EHMT2: variants seen among roughly 807,000 people sequenced by gnomAD.
The protein encoded by EHMT2 is histone-lysine N-methyltransferase EHMT2.
EHMT2 carries 59 observed loss-of-function variants against 143.3 expected under a neutral mutation model. That is an observed-to-expected ratio of 0.41 (90% CI 0.33 to 0.51). EHMT2 has a LOEUF of 0.51. EHMT2 is among the 20% of genes least tolerant of loss of function. The probability of loss-of-function intolerance (pLI) is 0.18; values close to 1 mark genes in which losing one functional copy is unlikely to be tolerated. For synonymous variants in EHMT2, 604 were observed against 651.5 expected (o/e 0.93, Z 1.11); for missense variants, 1,174 against 1,645.9 (o/e 0.71, Z 4.96).
In EHMT2 at chr6:31,888,596, C is replaced by T. The variant is rs2151627363; in HGVS notation, c.1365+3G>A. On this transcript the variant is annotated splice_donor_region_variant and intron_variant, in intron 11 of 27. Coordinates refer to ENST00000375537, the Ensembl canonical transcript of EHMT2. This position sits in a 1 kb window ranked among gnomAD's most constrained non-coding sequence, Gnocchi z 7.4. ...CACCTCTCCCACCAGCCCACGGCCC[C>T]ACCTCTCCGTCCACACTCTCAGTGG... 1 of 1,612,298 alleles carries T rather than the reference C, an allele frequency of 6.2e-7. No individual in the cohort carries two copies. Among genetic ancestry groups the T allele is most frequent in the African/African-American group, 1.3e-5 (1 of 75,026 alleles).
At chr6:31,892,894 T>A in exon 5 of EHMT2, 1 of 1,580,240 alleles carries the variant, frequency 6.3e-7, no homozygotes, top group Non-Finnish European at 8.6e-7. Context: ...AGGGGGCCGC[T>A]TCTCAGGGAC....
Position 31,892,537 on chromosome 6 carries a change from C to T in EHMT2, c.734G>A (p.Arg245His), listed in dbSNP as rs780168963. 17 of 1,612,902 alleles carry T rather than the reference C, an allele frequency of 1.1e-5. 1 individual carries two copies. Among genetic ancestry groups the T allele is most frequent in the Middle Eastern group, 1.6e-4 (1 of 6,084 alleles). ...TTTCGTCAGGGTCACTTCTCCTGAA[C>T]GCCGGGCAGAACCTAACTCCTCTGA... The change falls in exon 7 of 28, where the codon CGT becomes CAT. Residue 245 changes from arginine to histidine, a missense_variant. Transcript: ENST00000375537.
At chr6:31,896,120 C>T (rs1766381745) in intron 4 of EHMT2, 143 bp downstream of exon 4, 1 of 1,216,698 alleles carries the variant, frequency 8.2e-7, no homozygotes, top group South Asian at 1.6e-5. Flanking sequence ...GTTCACAGAT[C>T]AAGCACAGCC....
At chr6:31,893,364 A>T (rs2844457) in intron 4 of EHMT2, 155,011 of 445,234 alleles carry the variant, frequency 0.35, 31,153 homozygotes, top group East Asian at 0.56. Context: ...TCTGTTACCC[A>T]GGATGGAGTG....
Position 31,889,379 on chromosome 6 carries a change from C to A in EHMT2, c.1000-37G>T. On this transcript the variant is annotated intron_variant, in intron 8 of 27. Coordinates refer to ENST00000375537, the Ensembl canonical transcript of EHMT2. This position sits in a 1 kb window ranked among gnomAD's most constrained non-coding sequence, Gnocchi z 5.1. The stretch of plus-strand genomic sequence containing the variant: ...GAGGAGGAGGAGTTAGGAACCCTCA[C>A]CCCCAGGGGCCCCCCCAACACCTTC... The A allele has an allele frequency of 6.2e-7, 1 of 1,608,808 alleles. No homozygotes were observed. The highest frequency in any genetic ancestry group is 8.5e-7 in the Non-Finnish European group (1 of 1,178,342).
Position 31,889,701 on chromosome 6 carries a change from C to T in EHMT2, c.865-99G>A, listed in dbSNP as rs969268324. ...CACCATTGCCCCCCGCCACTACCCACGGATGGCTGCTGGGGATAAGTGTGG... is the reference window on the plus strand; with the variant it reads ...CACCATTGCCCCCCGCCACTACCCATGGATGGCTGCTGGGGATAAGTGTGG... On this transcript the variant is annotated intron_variant, in intron 7 of 27. Coordinates refer to ENST00000375537, the Ensembl canonical transcript of EHMT2. This position sits in a 1 kb window ranked among gnomAD's most constrained non-coding sequence, Gnocchi z 5.1. The T allele has an allele frequency of 9.5e-6, 14 of 1,466,240 alleles. No homozygotes were observed. Among genetic ancestry groups the T allele is most frequent in the South Asian group, 1.1e-5 (1 of 87,102 alleles). 90.8% of individuals were successfully genotyped at this position (1,466,240 alleles called of 1,614,324 possible).
At chr6:31,897,201 A>C (rs1766648653) in intron 1 of EHMT2, 1 of 1,239,234 alleles carries the variant, frequency 8.1e-7, no homozygotes, top group African/African-American at 1.8e-5. Context: ...TAGACCCCGC[A>C]TCTCTGGGGC....
At position 31,880,437 on chromosome 6, in the gene EHMT2, G is replaced by C; in HGVS notation, c.3453-173C>G. ...GACTTTCAGCATCAGCATTGCCTGG[G>C]GACTTTTTAGAAATGCAGAATCCTG... On this transcript the variant is annotated intron_variant, in intron 27 of 27. Transcript: ENST00000375537. This position sits in a 1 kb window ranked among gnomAD's most constrained non-coding sequence, Gnocchi z 6.6. 1.1e-6 allele frequency: 1 copy of C among 876,284 alleles called. No homozygotes were observed. The highest frequency in any genetic ancestry group is 1.7e-6 in the Non-Finnish European group (1 of 588,170). The allele number at this position is 876,284 out of a possible 1,614,324, so 54.3% of individuals were successfully genotyped here. A position where few individuals can be genotyped will look rare whatever the true frequency, so the allele number is the denominator to read the frequency against.
chr6:31,890,664 G>C (rs2151637949), intron 7 of EHMT2, among the ~76,000 whole-genome samples: 1 of 150,020 alleles, frequency 6.7e-6, no homozygotes, highest in African/African-American at 2.4e-5. Context: ...AGGAGTTTGA[G>C]ACCAGCCTGG....
chr6:31,888,137 C>T lies in EHMT2; in HGVS notation c.1649G>A (p.Arg550Gln), dbSNP rs146176576. The change falls in exon 13 of 28, where the codon CGG becomes CAG. Residue 550 changes from arginine to glutamine, a missense_variant. Physicochemically the swap from Arg to Gln is conservative, Grantham distance 43. Around this residue, in one of 6 missense-constraint regions of EHMT2, gnomAD observed 608 missense variants for 903.7 expected, o/e 0.67. Transcript: ENST00000375537. This position sits in a 1 kb window ranked among gnomAD's most constrained non-coding sequence, Gnocchi z 7.4. The stretch of plus-strand genomic sequence containing the variant: ...GGCCGGTGGGGTCACCCCGTCACCC[C>T]GGGGGATGGTCACCTCTTGAGCTTC... The T allele has an allele frequency of 5.5e-5, 89 of 1,612,338 alleles. No homozygotes were observed. The highest frequency in any genetic ancestry group is 2.0e-4 in the Admixed American group (12 of 59,992).
chr6:31,896,759 G>A, exon 3 of EHMT2: 1 of 1,613,060 alleles, frequency 6.2e-7, no homozygotes, highest in Non-Finnish European at 8.5e-7. Context: ...GCAGGCTCCA[G>A]GGAGTCGGGG....
At chr6:31,896,773 G>C (rs146596577) in exon 3 of EHMT2, 61 of 1,612,966 alleles carry the variant, frequency 3.8e-5, no homozygotes, top group Non-Finnish European at 4.8e-5. Context: ...GTCGGGGGTG[G>C]CCTTGGGCAG....
intron 14 of EHMT2, 41 bp from the exon 15 acceptor site, chr6:31,887,700 C>T (rs1236638003): frequency 5.0e-6 from 8 of 1,610,610 alleles, no homozygotes; most frequent in East Asian, 2.2e-5. Context: ...AGGGGAGCTC[C>T]TCAGATTCCA....
In EHMT2 at chr6:31,883,732, T is replaced by C; in HGVS notation, c.2916+74A>G. 2 of 1,569,348 alleles carry C rather than the reference T, an allele frequency of 1.3e-6. No individual in the cohort carries two copies. Among genetic ancestry groups the C allele is most frequent in the Non-Finnish European group, 1.7e-6 (2 of 1,152,236 alleles). ...CCCTTCCTTGGCCAGGTGCCTTTGC[T>C]GGTTTGAAGCTTGTCCAACTGTACT... On this transcript the variant is annotated intron_variant, in intron 22 of 27. Coordinates refer to ENST00000375537, the Ensembl canonical transcript of EHMT2. The surrounding 1 kb of genome is among the most constrained non-coding windows in gnomAD (Gnocchi z 5.6).
At position 31,880,453 on chromosome 6, in the gene EHMT2, C is replaced by T; in HGVS notation, c.3453-189G>A. On this transcript the variant is annotated intron_variant, in intron 27 of 27. Transcript: ENST00000375537. The surrounding 1 kb of genome is among the most constrained non-coding windows in gnomAD (Gnocchi z 6.6). ...ATTGCCTGGGGACTTTTTAGAAATGCAGAATCCTGGGCCCCATCCCAAGCC... is the reference window on the plus strand; with the variant it reads ...ATTGCCTGGGGACTTTTTAGAAATGTAGAATCCTGGGCCCCATCCCAAGCC... 1.2e-6 allele frequency: 1 copy of T among 840,968 alleles called. No homozygotes were observed. Among genetic ancestry groups the T allele is most frequent in the Non-Finnish European group, 1.8e-6 (1 of 556,910 alleles). 52.1% of individuals were successfully genotyped at this position (840,968 alleles called of 1,614,324 possible).
Position 31,889,572 on chromosome 6 carries a change from T to G in EHMT2, c.895A>C (p.Ser299Arg), listed in dbSNP as rs1372161051. 1 of 1,611,376 alleles carries G rather than the reference T, an allele frequency of 6.2e-7. No individual in the cohort carries two copies. The highest frequency in any genetic ancestry group is 1.3e-5 in the African/African-American group (1 of 74,862). ...TCCTCTTCCTCCTCCTCCTCTTCACTTAGTTGTTCAGTTAGAGCTTCAACT... is the reference window on the plus strand; with the variant it reads ...TCCTCTTCCTCCTCCTCCTCTTCACGTAGTTGTTCAGTTAGAGCTTCAACT... Residue 299 changes from serine to arginine, a missense_variant, in exon 8 of 28, where the codon AGT becomes CGT. Ser to Arg is a moderately radical substitution (Grantham distance 110). Coordinates refer to ENST00000375537, the Ensembl canonical transcript of EHMT2. This position sits in a 1 kb window ranked among gnomAD's most constrained non-coding sequence, Gnocchi z 5.1.
intron 25 of EHMT2, among the ~76,000 whole-genome samples, chr6:31,882,202 C>T (rs994718155): frequency 2.0e-5 from 3 of 150,688 alleles, no homozygotes; most frequent in Non-Finnish European, 2.9e-5. Flanking sequence ...GGGGAGATTA[C>T]AGATGCTGGG....
intron 25 of EHMT2, among the ~76,000 whole-genome samples, chr6:31,882,049 G>A (rs868207727): frequency 6.6e-6 from 1 of 151,350 alleles, no homozygotes; most frequent in African/African-American, 2.4e-5. Flanking sequence ...AGACTGCAGT[G>A]AGCCAAGATT....
Position 31,883,572 on chromosome 6 carries a change from C to A in EHMT2, c.2917-133G>T. The A allele has an allele frequency of 9.5e-7, 1 of 1,055,336 alleles. No homozygotes were observed. Among genetic ancestry groups the A allele is most frequent in the South Asian group, 1.4e-5 (1 of 69,036 alleles). The allele number at this position is 1,055,336 out of a possible 1,614,324, so 65.4% of individuals were successfully genotyped here. The stretch of plus-strand genomic sequence containing the variant: ...GTTACAACAGTGGGTGGTGATGGTC[C>A]TAGGGTGACGGGTAATCAGTATGGT... On this transcript the variant is annotated intron_variant, in intron 22 of 27. Transcript: ENST00000375537. This position sits in a 1 kb window ranked among gnomAD's most constrained non-coding sequence, Gnocchi z 5.6.
Sources: allele counts gnomAD v4.1 joint callset (sites outside exome capture counted in the v4.1 genomes callset), GRCh38; gene constraint gnomAD v4.1.1; regional missense constraint gnomAD v4.1.1; non-coding constraint Gnocchi (gnomAD v3.1); transcripts MANE v1.5; gene names NCBI Gene and HGNC (gene_info 2026-07-23, HGNC 2026-07-21).